The following CHD6 variants were observed in gnomAD, a reference collection of about 807,000 sequenced individuals.
CHD6 encodes ATP-dependent chromatin remodeler CHD6.
A neutral mutation model predicts 276.9 loss-of-function variants in CHD6; 50 were observed. The observed-to-expected ratio is 0.18, with a 90% CI of 0.14 to 0.23. The LOEUF (loss-of-function observed/expected upper bound fraction) is 0.23. CHD6 is among the 10% of genes least tolerant of loss of function. The probability of loss-of-function intolerance (pLI) is 1.00; values close to 1 mark genes in which losing one functional copy is unlikely to be tolerated. For synonymous variants in CHD6, 1,173 were observed against 1,229.3 expected (o/e 0.95, Z 0.96); for missense variants, 2,564 against 3,365.8 (o/e 0.76, Z 5.89).
In CHD6 at chr20:41,483,476, G is replaced by C. The variant is rs752487427; in HGVS notation, c.2301C>G (p.Ser767Arg). ...GCAGCTGAAAGTCAGGGGCATCAGG[G>C]CTGTGGGTTTTTCGGAAATCTTCTA... ...KILEDFRKTH[S>R]PDAPDFQLQA... The change falls in exon 16 of 37, where the codon AGC becomes AGG. Residue 767 changes from serine (S) to arginine (R), a missense_variant. By Grantham distance (110) the Ser-to-Arg change is moderately radical. This residue lies in a region of CHD6 where 457 missense variants were observed against 889.0 expected (regional missense o/e 0.51). Transcript: ENST00000373233. The C allele has an allele frequency of 5.6e-6, 9 of 1,613,348 alleles. No homozygotes were observed. The Admixed American group carries it at 1.5e-4, about 27-fold the overall frequency.
chr20:41,488,413 G>C lies in CHD6; in HGVS notation c.1857+15C>G. ...AAAGGAACCTGTGTTTATGTAAAGA[G>C]ATGCTAACTCTCACCAGGGCCATAA... On this transcript the variant is annotated intron_variant, in intron 13 of 36. Transcript: ENST00000373233. The C allele has an allele frequency of 6.3e-7, 1 of 1,597,260 alleles. No individual in the cohort carries two copies.
chr20:41,518,897 A>T (rs2044315994), intron 3 of CHD6, among the ~76,000 whole-genome samples: 2 of 152,224 alleles, frequency 1.3e-5, no homozygotes, highest in South Asian at 4.1e-4. Context: ...AGTTTTATCA[A>T]CTGAAGACAT....
rs756339532 is a variant in CHD6 at position 41,512,876 on chromosome 20, G to C, written c.822C>G (p.Leu274=). The C allele has an allele frequency of 6.2e-7, 1 of 1,614,044 alleles. No individual in the cohort carries two copies. The highest frequency in any genetic ancestry group is 8.5e-7 in the Non-Finnish European group (1 of 1,179,934). Residue 274 remains leucine, a synonymous_variant, in exon 5 of 37, where the codon CTC becomes CTG. Transcript: ENST00000373233. ...CCTGCCAGGCCAGTGTAGAGGCTGAGAGTGCAGATGTTCGACCAGCTCCAA... is the reference window on the plus strand; with the variant it reads ...CCTGCCAGGCCAGTGTAGAGGCTGACAGTGCAGATGTTCGACCAGCTCCAA... ...AVLGAGRTSA[L]SASTLAWQAE... is the part of the protein sequence containing the mutation.
intron 36 of CHD6, among the ~76,000 whole-genome samples, chr20:41,410,214 C>T (rs747098640): frequency 3.9e-5 from 6 of 152,074 alleles, no homozygotes; most frequent in African/African-American, 7.2e-5. Flanking sequence ...TAATAGGATG[C>T]GGGGGGTTTA....
At chr20:41,614,729 TA>T (rs2045919734) in intron 1 of CHD6, 1 of 152,190 alleles carries the variant, frequency 6.6e-6, no homozygotes, top group Non-Finnish European at 1.5e-5. Flanking sequence ...TTTATGGAAG[TA>T]ACAGAATTTC....
At chr20:41,594,884 CCCT>C (rs2045702117) in intron 1 of CHD6, among the ~76,000 whole-genome samples, 1 of 152,238 alleles carries the variant, frequency 6.6e-6, no homozygotes, top group South Asian at 2.1e-4. Context: ...AAAACCCCTG[CCCT>C]ACCCTGCTCA....
chr20:41,560,409 C>G (rs2045289557), intron 1 of CHD6, among the ~76,000 whole-genome samples: 1 of 152,164 alleles, frequency 6.6e-6, no homozygotes, highest in Admixed American at 6.5e-5. Flanking sequence ...TGGTCTCATC[C>G]TTCAAAATTC....
At chr20:41,527,515 C>G (rs896095307) in intron 3 of CHD6, among the ~76,000 whole-genome samples, 1 of 152,164 alleles carries the variant, frequency 6.6e-6, no homozygotes, top group Non-Finnish European at 1.5e-5. Context: ...ACCTACTCCT[C>G]AGATACTCAC....
intron 5 of CHD6, among the ~76,000 whole-genome samples, chr20:41,504,403 CTTTTTTT>C (rs200549678): frequency 0.26 from 28,595 of 109,778 alleles, 2,928 homozygotes; most frequent in East Asian, 0.44. Flanking sequence ...CCTCTATTTT[CTTTTTTT>C]TTTTTTTTTT....
chr20:41,529,070 G>A (rs6102451), intron 3 of CHD6, among the ~76,000 whole-genome samples: 18,169 of 152,158 alleles, frequency 0.12, 2,218 homozygotes, highest in East Asian at 0.32. Context: ...GAGAAAAGTC[G>A]GTTTTACAGT....
At chr20:41,510,904 A>G (rs1484166522) in intron 5 of CHD6, among the ~76,000 whole-genome samples, 1 of 152,234 alleles carries the variant, frequency 6.6e-6, no homozygotes, top group Non-Finnish European at 1.5e-5. Flanking sequence ...CTTGAAAAGT[A>G]TTATAGTGAC....
At chr20:41,503,119 T>A (rs2043877882) in intron 5 of CHD6, among the ~76,000 whole-genome samples, 1 of 152,224 alleles carries the variant, frequency 6.6e-6, no homozygotes, top group Non-Finnish European at 1.5e-5. Context: ...GCTTGTGTAT[T>A]TTTTGAGTTA....
intron 24 of CHD6, 46 bp downstream of exon 24, chr20:41,447,836 T>A: frequency 2.1e-6 from 3 of 1,413,132 alleles, no homozygotes; most frequent in Non-Finnish European, 3.0e-6. Context: ...ATAGGCATTT[T>A]ATGTCAATTC....
At chr20:41,451,544 T>C (rs2048239814) in intron 22 of CHD6, among the ~76,000 whole-genome samples, 1 of 152,104 alleles carries the variant, frequency 6.6e-6, no homozygotes, top group Non-Finnish European at 1.5e-5. Context: ...TCACTGTGCA[T>C]CCCTAATTCA....
At chr20:41,615,219 T>C (rs758200084) in intron 1 of CHD6, among the ~76,000 whole-genome samples, 3 of 152,300 alleles carry the variant, frequency 2.0e-5, no homozygotes, top group Admixed American at 6.5e-5. Flanking sequence ...TCTCACGAAG[T>C]GGCTATGAAA....
At chr20:41,445,182 C>T (rs2048027113) in intron 25 of CHD6, among the ~76,000 whole-genome samples, 1 of 152,198 alleles carries the variant, frequency 6.6e-6, no homozygotes, top group African/African-American at 2.4e-5. Context: ...AAAAGACAGT[C>T]TATGCTATCT....
chr20:41,518,475 A>C (rs2044305578), intron 3 of CHD6, among the ~76,000 whole-genome samples: 1 of 152,164 alleles, frequency 6.6e-6, no homozygotes, highest in African/African-American at 2.4e-5. Context: ...AATCATGGTG[A>C]AGCACTTTCC....
chr20:41,409,281 G>A (rs6102406), intron 36 of CHD6, among the ~76,000 whole-genome samples: 4,120 of 152,194 alleles, frequency 0.027, 184 homozygotes, highest in African/African-American at 0.094. Context: ...GCGGCCAGGC[G>A]GGCTTTGGCA....
At chr20:41,491,853 G>T in intron 10 of CHD6, 34 bp from the exon 11 acceptor site, 1 of 1,611,228 alleles carries the variant, frequency 6.2e-7, no homozygotes, top group Non-Finnish European at 8.5e-7. Context: ...AATAGATAGA[G>T]AATGATGTTT....
Sources: allele counts gnomAD v4.1 joint callset (sites outside exome capture counted in the v4.1 genomes callset), GRCh38; gene constraint gnomAD v4.1.1; regional missense constraint gnomAD v4.1.1; transcripts MANE v1.5; gene names NCBI Gene and HGNC (gene_info 2026-07-23, HGNC 2026-07-21).